The following GPM6B variants were observed in gnomAD, a reference collection of about 807,000 sequenced individuals.
The protein encoded by GPM6B is neuronal membrane glycoprotein M6-b.
In GPM6B, 4 loss-of-function variants were observed where a neutral mutation model predicts 27.2. The observed-to-expected ratio is 0.15, with a 90% CI of 0.07 to 0.34. The LOEUF is 0.34. Among genes scored for constraint, GPM6B ranks in the 10% least tolerant of loss-of-function variants. The pLI is 1.00. For missense variants in GPM6B, 183 were observed against 261.9 expected (o/e 0.70, Z 2.08); for synonymous variants, 124 against 103.1 (o/e 1.20, Z -1.23).
At chrX:13,906,325 A>C (rs895377183) in intron 1 of GPM6B, among the ~76,000 whole-genome samples, 1 of 112,132 alleles carries the variant, frequency 8.9e-6, no homozygotes, top group Non-Finnish European at 1.9e-5. Context: ...CTAATAGCCA[A>C]ATTTAATTCT....
At chrX:13,896,228 G>A (rs1004526160) in intron 1 of GPM6B, among the ~76,000 whole-genome samples, 4 of 105,058 alleles carry the variant, frequency 3.8e-5, no homozygotes, top group Non-Finnish European at 7.8e-5. Context: ...GAACAAAAAA[G>A]TAAATAATAT....
intron 1 of GPM6B, among the ~76,000 whole-genome samples, chrX:13,841,603 C>A (rs1230705214): frequency 9.0e-6 from 1 of 111,191 alleles, no homozygotes; most frequent in East Asian, 2.8e-4. Flanking sequence ...TAGTTTAAAT[C>A]CACCCTCACC....
At chrX:13,825,858 G>A (rs774745128) in intron 1 of GPM6B, among the ~76,000 whole-genome samples, 11 of 111,953 alleles carry the variant, frequency 9.8e-5, no homozygotes, top group South Asian at 3.8e-4. Context: ...AAAAGATGCC[G>A]GTGAAGATGG....
intron 1 of GPM6B, among the ~76,000 whole-genome samples, chrX:13,852,347 TCA>T (rs942903411): frequency 1.8e-5 from 2 of 111,432 alleles, no homozygotes; most frequent in African/African-American, 6.5e-5. Context: ...TGATTTTGAT[TCA>T]CCTCAAGCAG....
chrX:13,805,351 TCTC>T (rs1400378787), intron 2 of GPM6B, among the ~76,000 whole-genome samples: 1 of 111,903 alleles, frequency 8.9e-6, no homozygotes. Flanking sequence ...CCTGTTCTGA[TCTC>T]CTCTTCCTTG....
chrX:13,921,852 C>G (rs755238569), intron 1 of GPM6B, among the ~76,000 whole-genome samples: 25 of 112,033 alleles, frequency 2.2e-4, no homozygotes, highest in African/African-American at 8.1e-4. Flanking sequence ...GCTGGGACTA[C>G]AGGCGTGAGC....
intron 1 of GPM6B, among the ~76,000 whole-genome samples, chrX:13,837,652 T>C (rs778575960): frequency 3.1e-5 from 3 of 95,453 alleles, no homozygotes; most frequent in Non-Finnish European, 6.2e-5. Flanking sequence ...CAAATTAGCA[T>C]ATTCCCCCCC....
intron 2 of GPM6B, among the ~76,000 whole-genome samples, chrX:13,794,673 C>G (rs770982515): frequency 1.8e-5 from 2 of 111,973 alleles, no homozygotes; most frequent in Non-Finnish European, 3.8e-5. Context: ...CACTACCACG[C>G]GCTCGCAAGA....
chrX:13,901,167 GA>G (rs372758267), intron 1 of GPM6B, among the ~76,000 whole-genome samples: 2 of 111,871 alleles, frequency 1.8e-5, no homozygotes, highest in African/African-American at 6.5e-5. Flanking sequence ...CTCTTTCTAA[GA>G]GGTAAGGAGC....
chrX:13,938,147 G>A (rs1489939398), intron 1 of GPM6B, among the ~76,000 whole-genome samples: 4 of 110,962 alleles, frequency 3.6e-5, no homozygotes, highest in Non-Finnish European at 5.7e-5. Context: ...CAGGCAAGAA[G>A]CGACTCTCTA....
chrX:13,918,677 G>A (rs910242322), intron 1 of GPM6B, among the ~76,000 whole-genome samples: 1 of 111,848 alleles, frequency 8.9e-6, no homozygotes, highest in Non-Finnish European at 1.9e-5. Context: ...GCATGATGCT[G>A]GCATCTGCTT....
At chrX:13,876,317 T>G (rs2050032850) in intron 1 of GPM6B, among the ~76,000 whole-genome samples, 1 of 112,379 alleles carries the variant, frequency 8.9e-6, no homozygotes, top group African/African-American at 3.2e-5. Context: ...TGTATTAATA[T>G]GTCCATAAAG....
At chrX:13,899,405 C>CAAAA (rs58085220) in intron 1 of GPM6B, among the ~76,000 whole-genome samples, 2 of 36,315 alleles carry the variant, frequency 5.5e-5, no homozygotes, top group African/African-American at 2.1e-4. Flanking sequence ...GACTCTGTCT[C>CAAAA]AAAAAAAAAA....
intron 1 of GPM6B, among the ~76,000 whole-genome samples, chrX:13,921,576 C>T (rs952284930): frequency 5.0e-4 from 30 of 59,786 alleles, no homozygotes; most frequent in African/African-American, 1.8e-3. Flanking sequence ...TTTATAACCC[C>T]CCCCCTTTTT....
chrX:13,797,340 C>G (rs891226267), intron 2 of GPM6B, among the ~76,000 whole-genome samples: 1 of 111,316 alleles, frequency 9.0e-6, no homozygotes, highest in Non-Finnish European at 1.9e-5. Flanking sequence ...GAGGTAGGGA[C>G]AGATCTCTTT....
Position 13,779,927 on chromosome X carries a change from C to A in GPM6B, c.588G>T (p.Val196=). 8.3e-7 allele frequency: 1 copy of A among 1,201,519 alleles called. No individual in the cohort carries two copies. Among genetic ancestry groups the A allele is most frequent in the Non-Finnish European group, 1.1e-6 (1 of 888,247 alleles). Residue 196 remains valine (V), a synonymous_variant, in exon 5 of 8, where the codon GTG becomes GTT. Transcript: ENST00000316715. ...AWLGVFGFSA[V]PVFMFYNIWS... Reference sequence around the variant, plus strand: ...ATATGTTGTAGAACATAAACACGGGCACCGCTGAGAAACCAAACACACCCA... The same window carrying A: ...ATATGTTGTAGAACATAAACACGGGAACCGCTGAGAAACCAAACACACCCA...
intron 1 of GPM6B, among the ~76,000 whole-genome samples, chrX:13,906,056 GA>G (rs2147051053): frequency 8.9e-6 from 1 of 112,360 alleles, no homozygotes; most frequent in African/African-American, 3.2e-5. Flanking sequence ...CCCAAATAAA[GA>G]ACATCTCGAA....
chrX:13,890,291 C>T (rs1316636780), intron 1 of GPM6B, among the ~76,000 whole-genome samples: 6 of 111,868 alleles, frequency 5.4e-5, no homozygotes, highest in Admixed American at 2.8e-4. Context: ...GAAAGTTACC[C>T]TATATGGTCT....
intron 1 of GPM6B, among the ~76,000 whole-genome samples, chrX:13,902,328 A>AT (rs72083390): frequency 0.025 from 2,575 of 104,387 alleles, 82 homozygotes; most frequent in East Asian, 0.21. Context: ...TGTGGACTGG[A>AT]TTTTTTTTTT....
Sources: gnomAD v4.1 joint callset for allele counts (sites outside exome capture counted in the v4.1 genomes callset) on GRCh38, gnomAD v4.1.1 for gene constraint, MANE v1.5 for transcripts, NCBI Gene and HGNC (gene_info 2026-07-23, HGNC 2026-07-21) for gene names.